Variants in PIEZO2 observed in about 807,000 individuals in gnomAD.
PIEZO2 encodes the protein piezo-type mechanosensitive ion channel component 2.
A neutral mutation model predicts 337.3 loss-of-function variants in PIEZO2; 172 were observed. That is an observed-to-expected ratio of 0.51 (90% CI 0.45 to 0.58). The LOEUF (loss-of-function observed/expected upper bound fraction) is 0.58. Ranked by LOEUF, PIEZO2 falls within the 20% of genes least tolerant of loss-of-function variation. The pLI is 0.00. For synonymous variants in PIEZO2, 1,251 were observed against 1,228.5 expected (o/e 1.02, Z -0.38); for missense variants, 3,028 against 3,391.3 (o/e 0.89, Z 2.66).
intron 11 of PIEZO2, among the ~76,000 whole-genome samples, chr18:10,798,289 C>T (rs937619045): frequency 3.9e-5 from 6 of 152,196 alleles, no homozygotes; most frequent in Non-Finnish European, 7.3e-5. Flanking sequence ...CTTTCTTGTT[C>T]AAATCAAATG....
rs1424167976 is a variant in PIEZO2, at chr18:11,069,708, CA to C, written c.65-3487del. 1.3e-5 allele frequency among the ~76,000 whole-genome samples: 2 copies of C among 152,078 alleles called. No individual in the cohort carries two copies. The highest frequency in any genetic ancestry group is 2.9e-5 in the Non-Finnish European group (2 of 68,006). On this transcript the variant is annotated intron_variant, in intron 1 of 55. Transcript: ENST00000674853. This position sits in a 1 kb window ranked among gnomAD's most constrained non-coding sequence, Gnocchi z 4.9. ...AGGCAAGAAAAAGAAATCAATACAT[CA>C]AAATTGGAAAGGAAGAGGCAAAGCA...
intron 8 of PIEZO2, among the ~76,000 whole-genome samples, chr18:10,805,264 A>G (rs142877775): frequency 1.3e-5 from 2 of 152,362 alleles, no homozygotes; most frequent in East Asian, 3.9e-4. Flanking sequence ...CTGTAATCCC[A>G]GCACTCTGGG....
intron 33 of PIEZO2, chr18:10,738,877 G>A (rs1598419010): frequency 6.6e-6 from 1 of 152,110 alleles, no homozygotes; most frequent in East Asian, 1.9e-4. Flanking sequence ...TGTGTACATA[G>A]GTATGGAAGT....
rs2038572458 is a variant in PIEZO2 at position 11,077,053 on chromosome 18, T to C, written c.65-10831A>G. Among the ~76,000 whole-genome samples, 1 of 152,224 alleles carries C rather than the reference T, an allele frequency of 6.6e-6. No individual in the cohort carries two copies. The highest frequency in any genetic ancestry group is 2.1e-4 in the South Asian group (1 of 4,832). Reference sequence around the variant, plus strand: ...AATTGCAAATGAGGAAATAAAGCTTTTATGCTCATACATAATTTCTTAAAC... The same window carrying C: ...AATTGCAAATGAGGAAATAAAGCTTCTATGCTCATACATAATTTCTTAAAC... On this transcript the variant is annotated intron_variant, in intron 1 of 55. Transcript: ENST00000674853. This position sits in a 1 kb window ranked among gnomAD's most constrained non-coding sequence, Gnocchi z 4.8.
In PIEZO2 at chr18:11,069,083, G is replaced by A. The variant is rs2038250169; in HGVS notation, c.65-2861C>T. On this transcript the variant is annotated intron_variant, in intron 1 of 55. Coordinates refer to ENST00000674853, the MANE Select transcript of PIEZO2 (RefSeq NM_001378183.1). This position sits in a 1 kb window ranked among gnomAD's most constrained non-coding sequence, Gnocchi z 4.9. ...AATAAATAAAAGCCCAGGACCTCAT[G>A]AATTCTACCAAACATTTAAGGAGAA... 6.6e-6 allele frequency among the ~76,000 whole-genome samples: 1 copy of A among 152,120 alleles called. No individual in the cohort carries two copies. Among genetic ancestry groups the A allele is most frequent in the South Asian group, 2.1e-4 (1 of 4,826 alleles).
At chr18:10,714,725 C>T (rs921806714) in intron 39 of PIEZO2, 39 bp downstream of exon 39, 1 of 1,527,652 alleles carries the variant, frequency 6.5e-7, no homozygotes, top group South Asian at 1.2e-5. Flanking sequence ...CCTCATTTAC[C>T]TTTGTCAAAA....
intron 3 of PIEZO2, among the ~76,000 whole-genome samples, chr18:10,947,120 T>C (rs534672824): frequency 2.0e-5 from 3 of 151,506 alleles, no homozygotes; most frequent in Non-Finnish European, 4.4e-5. Context: ...AGAGAGATGA[T>C]AGAGGATAGA....
At position 11,105,935 on chromosome 18, in the gene PIEZO2, C is replaced by T. The variant is rs2039546295; in HGVS notation, c.65-39713G>A. ...CTGATTTAGGTCATTCCAAGGGTTT[C>T]TCTGTTTATTTGAAATGTTCAGCTT... On this transcript the variant is annotated intron_variant, in intron 1 of 55. Coordinates refer to ENST00000674853, the MANE Select transcript of PIEZO2 (RefSeq NM_001378183.1). This position sits in a 1 kb window ranked among gnomAD's most constrained non-coding sequence, Gnocchi z 4.3. 6.6e-6 allele frequency among the ~76,000 whole-genome samples: 1 copy of T among 152,092 alleles called. No homozygotes were observed. Among genetic ancestry groups the T allele is most frequent in the Non-Finnish European group, 1.5e-5 (1 of 68,018 alleles).
At chr18:10,801,291 T>C (rs1383068254) in intron 10 of PIEZO2, 99 bp downstream of exon 10, 1 of 1,102,752 alleles carries the variant, frequency 9.1e-7, no homozygotes, top group Admixed American at 2.9e-5. Context: ...TTATGGAAAT[T>C]TTAATAGATC....
rs2042879420 is a variant in PIEZO2, at chr18:10,895,671, G to C, written c.329+15515C>G. Reference sequence around the variant, plus strand: ...TCCTCAGTTTAACACCTGGGAAATGGGGCGCTCCCTCTGACCTGCACATTT... The same window carrying C: ...TCCTCAGTTTAACACCTGGGAAATGCGGCGCTCCCTCTGACCTGCACATTT... On this transcript the variant is annotated intron_variant, in intron 4 of 55. Coordinates refer to ENST00000674853, the MANE Select transcript of PIEZO2 (RefSeq NM_001378183.1). The surrounding 1 kb of genome is among the most constrained non-coding windows in gnomAD (Gnocchi z 4.8). Among the ~76,000 whole-genome samples the C allele has an allele frequency of 6.6e-6, 1 of 152,062 alleles. No individual in the cohort carries two copies.
At chr18:10,971,590 G>A (rs904424212) in intron 3 of PIEZO2, among the ~76,000 whole-genome samples, 4 of 152,070 alleles carry the variant, frequency 2.6e-5, no homozygotes, top group African/African-American at 9.7e-5. Context: ...TCCCCATGAT[G>A]CACTCGTAGG....
rs1354079319 is a variant in PIEZO2, at chr18:10,969,173, A to G, written c.286+10362T>C. 6.6e-6 allele frequency among the ~76,000 whole-genome samples: 1 copy of G among 152,226 alleles called. No individual in the cohort carries two copies. Among genetic ancestry groups the G allele is most frequent in the African/African-American group, 2.4e-5 (1 of 41,460 alleles). On this transcript the variant is annotated intron_variant, in intron 3 of 55. Coordinates refer to ENST00000674853, the MANE Select transcript of PIEZO2 (RefSeq NM_001378183.1). The surrounding 1 kb of genome is among the most constrained non-coding windows in gnomAD (Gnocchi z 4.5). ...TTTGGAAACATACAGTTATAGCTTT[A>G]CATTGTTCGTCTATAATTTTGAGGT... is the stretch of plus-strand genomic sequence containing the variant.
rs1452035726 is a variant in PIEZO2 at position 10,677,424 on chromosome 18, G to C, written c.8081+323C>G. The C allele has an allele frequency of 4.5e-5, 11 of 244,312 alleles. No individual in the cohort carries two copies. Among genetic ancestry groups the C allele is most frequent in the Non-Finnish European group, 6.3e-5 (8 of 126,372 alleles). 15.1% of individuals were successfully genotyped at this position (244,312 alleles called of 1,614,324 possible). Reference sequence around the variant, plus strand: ...GTAGAGACAGGGTTTCACCATGTTGGTCAGGCTGGTCTTGAACTCCCGACC... The same window carrying C: ...GTAGAGACAGGGTTTCACCATGTTGCTCAGGCTGGTCTTGAACTCCCGACC... On this transcript the variant is annotated intron_variant, in intron 53 of 55. Coordinates refer to ENST00000674853, the MANE Select transcript of PIEZO2 (RefSeq NM_001378183.1). The surrounding 1 kb of genome is among the most constrained non-coding windows in gnomAD (Gnocchi z 4.1).
rs1316318683 is a variant in PIEZO2, at chr18:10,863,077, A to G, written c.493-5866T>C. 6.6e-6 allele frequency among the ~76,000 whole-genome samples: 1 copy of G among 152,218 alleles called. No individual in the cohort carries two copies. Among genetic ancestry groups the G allele is most frequent in the Non-Finnish European group, 1.5e-5 (1 of 68,034 alleles). On this transcript the variant is annotated intron_variant, in intron 5 of 55. Transcript: ENST00000674853. The surrounding 1 kb of genome is among the most constrained non-coding windows in gnomAD (Gnocchi z 4.3). Reference sequence around the variant, plus strand: ...TATCAAAGTCATGTATAATGAGCCAAAAGATCTGGGAGGCAAAAGGAGCAT... The same window carrying G: ...TATCAAAGTCATGTATAATGAGCCAGAAGATCTGGGAGGCAAAAGGAGCAT...
At position 10,952,966 on chromosome 18, in the gene PIEZO2, T is replaced by C. The variant is rs2033366523; in HGVS notation, c.286+26569A>G. Among the ~76,000 whole-genome samples the C allele has an allele frequency of 6.6e-6, 1 of 151,972 alleles. No homozygotes were observed. The highest frequency in any genetic ancestry group is 1.5e-5 in the Non-Finnish European group (1 of 67,980). ...AGAAGTATATAGTAGTCATCTCCGGTTTTTAACTTGCACTTACCTAATGAC... is the reference window on the plus strand; with the variant it reads ...AGAAGTATATAGTAGTCATCTCCGGCTTTTAACTTGCACTTACCTAATGAC... On this transcript the variant is annotated intron_variant, in intron 3 of 55. Coordinates refer to ENST00000674853, the MANE Select transcript of PIEZO2 (RefSeq NM_001378183.1). The surrounding 1 kb of genome is among the most constrained non-coding windows in gnomAD (Gnocchi z 4.1).
intron 7 of PIEZO2, among the ~76,000 whole-genome samples, chr18:10,814,221 G>A (rs1185194282): frequency 6.6e-6 from 1 of 151,894 alleles, no homozygotes; most frequent in Non-Finnish European, 1.5e-5. Context: ...TGCCCGCCTT[G>A]GCCTCCCAAA....
At chr18:10,770,567 C>T (rs1043580349) in intron 20 of PIEZO2, among the ~76,000 whole-genome samples, 40 of 80,102 alleles carry the variant, frequency 5.0e-4, no homozygotes, top group African/African-American at 1.7e-3. Flanking sequence ...AGGATTTTGA[C>T]ATTATCTTCC....
Position 10,697,871 on chromosome 18 carries a change from C to T in PIEZO2, c.6704G>A (p.Ser2235Asn). Residue 2235 changes from serine (S) to asparagine (N), a missense_variant, in exon 45 of 56, where the codon AGC becomes AAC. Physicochemically the swap from Ser to Asn is conservative, Grantham distance 46 (BLOSUM62 1). This residue lies in a region of PIEZO2 where 1,925 missense variants were observed against 2,051.9 expected (regional missense o/e 0.94). Coordinates refer to ENST00000674853, the MANE Select transcript of PIEZO2 (RefSeq NM_001378183.1). ...SSNRSQRGST[S>N]TRNSSQKGSS... ...TCCTTTTTGACTGCTGTTTCGGGTGCTTGTGCTGCCTAGAAATAAAAAGAG... is the reference window on the plus strand; with the variant it reads ...TCCTTTTTGACTGCTGTTTCGGGTGTTTGTGCTGCCTAGAAATAAAAAGAG... 1.9e-6 allele frequency: 3 copies of T among 1,611,540 alleles called. No homozygotes were observed. Among genetic ancestry groups the T allele is most frequent in the Non-Finnish European group, 2.5e-6 (3 of 1,178,418 alleles).
In PIEZO2 at chr18:10,839,492, G is replaced by T. The variant is rs981761349; in HGVS notation, c.917+15861C>A. Among the ~76,000 whole-genome samples, 4 of 152,152 alleles carry T rather than the reference G, an allele frequency of 2.6e-5. No individual in the cohort carries two copies. In the South Asian group the frequency reaches 8.3e-4, roughly 32 times the overall value. ...AGAATGGTTTTTGGCAACTAGCTCTGGTCTGTTAAGCCCTTATGCCGATGA... is the reference window on the plus strand; with the variant it reads ...AGAATGGTTTTTGGCAACTAGCTCTTGTCTGTTAAGCCCTTATGCCGATGA... On this transcript the variant is annotated intron_variant, in intron 7 of 55. Transcript: ENST00000674853.
Sources: allele counts gnomAD v4.1 joint callset (sites outside exome capture counted in the v4.1 genomes callset), GRCh38; gene constraint gnomAD v4.1.1; regional missense constraint gnomAD v4.1.1; non-coding constraint Gnocchi (gnomAD v3.1); transcripts MANE v1.5; gene names NCBI Gene and HGNC (gene_info 2026-07-23, HGNC 2026-07-21).